The following GREB1 variants were observed in gnomAD, a reference collection of about 807,000 sequenced individuals.
GREB1 encodes protein GREB1.
Under a neutral mutation model 200.7 loss-of-function variants are expected in GREB1, and 106 were observed. The ratio of observed to expected loss-of-function variants is 0.53; its 90% CI spans 0.45 to 0.62. The LOEUF (loss-of-function observed/expected upper bound fraction) is 0.62, where lower values mean the gene tolerates loss of function less well. Ranked by LOEUF, GREB1 falls within the 20% of genes least tolerant of loss-of-function variation. The pLI, the probability that GREB1 is intolerant of heterozygous loss-of-function variation, is 0.00. For synonymous variants in GREB1, 1,132 were observed against 1,092.4 expected (o/e 1.04, Z -0.72); for missense variants, 2,243 against 2,556.8 (o/e 0.88, Z 2.65).
Position 11,578,352 on chromosome 2 carries a change from C to T in GREB1, c.693C>T (p.Ala231=). Residue 231 remains alanine, a synonymous_variant, in exon 6 of 33, where the codon GCC becomes GCT. Coordinates refer to ENST00000381486, the MANE Select transcript of GREB1 (RefSeq NM_014668.4). ...CTTGTTCCAGTTCCCTCTTCCCAGC[C>T]CTGGAGAGCACGGCTGCCTTCCCCA... is the stretch of plus-strand genomic sequence containing the variant. The part of the protein sequence containing the change: ...ASTCSSSLFP[A]LESTAAFPSE... The T allele has an allele frequency of 6.2e-7, 1 of 1,614,136 alleles. No homozygotes were observed. Among genetic ancestry groups the T allele is most frequent in the Non-Finnish European group, 8.5e-7 (1 of 1,180,014 alleles).
At chr2:11,592,690 G>C (rs2148184354) in intron 10 of GREB1, 86 bp from the exon 11 acceptor site, 1 of 827,738 alleles carries the variant, frequency 1.2e-6, no homozygotes, top group Non-Finnish European at 1.8e-6. Flanking sequence ...TAATAACTTA[G>C]GTGGGTACTT....
chr2:11,551,815 C>T (rs1162866271), intron 1 of GREB1, among the ~76,000 whole-genome samples: 3 of 152,196 alleles, frequency 2.0e-5, no homozygotes, highest in Non-Finnish European at 4.4e-5. Context: ...AAATATCCTA[C>T]TCAGCCCTCC....
At chr2:11,628,588 G>A (rs546683283) in intron 25 of GREB1, among the ~76,000 whole-genome samples, 3 of 152,338 alleles carry the variant, frequency 2.0e-5, no homozygotes, top group African/African-American at 7.2e-5. Context: ...ATTTGTTCCA[G>A]ATAAACTCTC....
rs780236002 is a variant in GREB1, at chr2:11,618,282, C to T, written c.3413-6C>T. 3 of 1,552,470 alleles carry T rather than the reference C, an allele frequency of 1.9e-6. No individual in the cohort carries two copies. The highest frequency in any genetic ancestry group is 1.7e-4 in the Middle Eastern group (1 of 5,734). ...GACGTCCCTGACCATGTTCGTCTCT[C>T]CTCAGGTTCAGCGCTCGGTGGCGAG... On this transcript the variant is annotated splice_region_variant and splice_polypyrimidine_tract_variant and intron_variant, in intron 21 of 32. Transcript: ENST00000381486.
intron 20 of GREB1, 133 bp downstream of exon 20, chr2:11,615,423 C>T (rs1000359666): frequency 8.5e-6 from 6 of 705,238 alleles, no homozygotes; most frequent in South Asian, 5.6e-5. Flanking sequence ...GTCTGCTGGA[C>T]AGCGGCTCTG....
In GREB1 at chr2:11,597,809, G is replaced by A. The variant is rs1445639293; in HGVS notation, c.1983G>A (p.Arg661=). 3.1e-6 allele frequency: 5 copies of A among 1,614,092 alleles called. No individual in the cohort carries two copies. Among genetic ancestry groups the A allele is most frequent in the Non-Finnish European group, 4.2e-6 (5 of 1,180,048 alleles). ...TSYNLEPHSI[R]PFQLAVAQKL... Reference sequence around the variant, plus strand: ...ACAATCTGGAGCCACACAGCATCCGGCCCTTCCAGCTGGCAGTAGCGCAGA... The same window carrying A: ...ACAATCTGGAGCCACACAGCATCCGACCCTTCCAGCTGGCAGTAGCGCAGA... The change falls in exon 14 of 33, where the codon CGG becomes CGA. Residue 661 remains arginine, a synonymous_variant. Coordinates refer to ENST00000381486, the MANE Select transcript of GREB1 (RefSeq NM_014668.4). This position sits in a 1 kb window ranked among gnomAD's most constrained non-coding sequence, Gnocchi z 4.1.
chr2:11,588,718 G>T, intron 9 of GREB1, 28 bp from the exon 10 acceptor site: 12 of 1,607,094 alleles, frequency 7.5e-6, no homozygotes, highest in Non-Finnish European at 1.0e-5. Flanking sequence ...ACAAGACTGG[G>T]TGCCAAGTCG....
chr2:11,582,624 G>A (rs116571320), intron 7 of GREB1, among the ~76,000 whole-genome samples: 2 of 152,316 alleles, frequency 1.3e-5, no homozygotes, highest in African/African-American at 2.4e-5. Context: ...TCGGGGCCTC[G>A]GCGCTGTGCA....
In GREB1 at chr2:11,566,463, C is replaced by T. The variant is rs1329823249; in HGVS notation, c.278-17C>T. 4 of 1,591,820 alleles carry T rather than the reference C, an allele frequency of 2.5e-6. No homozygotes were observed. The South Asian group carries it at 4.6e-5, about 18-fold the overall frequency. On this transcript the variant is annotated splice_polypyrimidine_tract_variant and intron_variant, in intron 3 of 32. Transcript: ENST00000381486. ...GGAAGCCCTGGGCAGCGTGTGAACC[C>T]TGTCCACCCCTCCTAGGGTTTTGCC...
At position 11,620,928 on chromosome 2, in the gene GREB1, G is replaced by T; in HGVS notation, c.4068G>T (p.Leu1356=). ...PPQIGKTGAY[L]QFLSVLSRML... is the part of the protein sequence containing the mutation. ...AGATCGGGAAGACAGGTGCCTACCTGCAGTTCCTCAGTGTCCTGTCCAGGA... is the reference window on the plus strand; with the variant it reads ...AGATCGGGAAGACAGGTGCCTACCTTCAGTTCCTCAGTGTCCTGTCCAGGA... The change falls in exon 23 of 33, where the codon CTG becomes CTT. Residue 1356 remains leucine (L), a synonymous_variant. Transcript: ENST00000381486. The T allele has an allele frequency of 6.2e-7, 1 of 1,611,498 alleles. No homozygotes were observed. Among genetic ancestry groups the T allele is most frequent in the Non-Finnish European group, 8.5e-7 (1 of 1,177,616 alleles).
In GREB1 at chr2:11,641,051, G is replaced by T. The variant is rs1418767618; in HGVS notation, c.*597G>T. On this transcript the variant is annotated 3_prime_UTR_variant, in exon 33 of 33. Coordinates refer to ENST00000381486, the MANE Select transcript of GREB1 (RefSeq NM_014668.4). ...AATTGATTTACTTCAGAGCAAATAT[G>T]ATCCTATTAAAATAATATAGGGTAA... 2 of 151,802 alleles carry T rather than the reference G, an allele frequency of 1.3e-5. No individual in the cohort carries two copies. Among genetic ancestry groups the T allele is most frequent in the African/African-American group, 4.8e-5 (2 of 41,294 alleles). The allele number at this position is 151,802 out of a possible 1,614,324, so 9.4% of individuals were successfully genotyped here. A position where few individuals can be genotyped will look rare whatever the true frequency, so the allele number is the denominator to read the frequency against.
chr2:11,588,524 T>G (rs1181105555), intron 9 of GREB1: 4 of 603,390 alleles, frequency 6.6e-6, no homozygotes, highest in Non-Finnish European at 1.2e-5. Context: ...AACCAGCAAG[T>G]GGCACAGCCC....
At chr2:11,562,099 A>G (rs1295840802) in intron 2 of GREB1, among the ~76,000 whole-genome samples, 3 of 152,230 alleles carry the variant, frequency 2.0e-5, no homozygotes, top group Non-Finnish European at 2.9e-5. Context: ...TACATATTAA[A>G]CCTCTAGTGT....
chr2:11,548,557 G>C lies in GREB1; in HGVS notation c.-161-7897G>C, dbSNP rs1675515210. On this transcript the variant is annotated intron_variant, in intron 1 of 32. Coordinates refer to ENST00000381486, the MANE Select transcript of GREB1 (RefSeq NM_014668.4). The surrounding 1 kb of genome is among the most constrained non-coding windows in gnomAD (Gnocchi z 5.1). ...TGTCAATAATACATCCCCATATTCT[G>C]ATAGAACTTGTAAACTCCTTTCAAT... is the stretch of plus-strand genomic sequence containing the variant. Among the ~76,000 whole-genome samples, 1 of 152,148 alleles carries C rather than the reference G, an allele frequency of 6.6e-6. No homozygotes were observed. The highest frequency in any genetic ancestry group is 6.5e-5 in the Admixed American group (1 of 15,278).
chr2:11,630,415 T>A (rs1253830333), intron 26 of GREB1, among the ~76,000 whole-genome samples: 2 of 152,220 alleles, frequency 1.3e-5, no homozygotes, highest in Non-Finnish European at 2.9e-5. Context: ...GAATAACTGA[T>A]GAAAGGCCCT....
intron 6 of GREB1, among the ~76,000 whole-genome samples, chr2:11,579,779 C>T (rs565899921): frequency 8.5e-5 from 13 of 152,272 alleles, no homozygotes; most frequent in Admixed American, 7.8e-4. Flanking sequence ...TCCGTCAGCC[C>T]CAGGAGACCA....
At chr2:11,556,094 T>C (rs530805286) in intron 1 of GREB1, among the ~76,000 whole-genome samples, 1 of 152,292 alleles carries the variant, frequency 6.6e-6, no homozygotes, top group Admixed American at 6.5e-5. Context: ...ATGAGAATAA[T>C]CAGCCTTTTA....
intron 1 of GREB1, among the ~76,000 whole-genome samples, chr2:11,549,222 A>T (rs1204906104): frequency 6.6e-6 from 1 of 151,984 alleles, no homozygotes; most frequent in Non-Finnish European, 1.5e-5. Flanking sequence ...GGCCTCATGG[A>T]TTGATCTTCC....
At chr2:11,483,711 T>C (rs1672576518) in intron 1 of GREB1, among the ~76,000 whole-genome samples, 1 of 149,716 alleles carries the variant, frequency 6.7e-6, no homozygotes. Context: ...TGTGTGTGTG[T>C]GTGTGTGTGT....
Sources: gnomAD v4.1 joint callset for allele counts (sites outside exome capture counted in the v4.1 genomes callset) on GRCh38, gnomAD v4.1.1 for gene constraint, Gnocchi (gnomAD v3.1) non-coding constraint, MANE v1.5 for transcripts, NCBI Gene and HGNC (gene_info 2026-07-23, HGNC 2026-07-21) for gene names.